The following ABCG2 variants were observed in gnomAD, a reference collection of about 807,000 sequenced individuals.
ABCG2 encodes the protein broad substrate specificity ATP-binding cassette transporter ABCG2.
ABCG2 carries 80 observed loss-of-function variants against 73.5 expected under a neutral mutation model. The ratio of observed to expected loss-of-function variants is 1.09; its 90% CI spans 0.91 to 1.31. The LOEUF (loss-of-function observed/expected upper bound fraction) is 1.31. Among genes scored for constraint, ABCG2 ranks in the 50% most tolerant of loss-of-function variants. The probability of loss-of-function intolerance (pLI) is 0.00; values close to 1 mark genes in which losing one functional copy is unlikely to be tolerated. For synonymous variants in ABCG2, 269 were observed against 282.4 expected (o/e 0.95, Z 0.48); for missense variants, 796 against 786.2 (o/e 1.01, Z -0.15).
chr4:88,096,872 C>T (rs893262810), intron 13 of ABCG2, among the ~76,000 whole-genome samples: 4 of 152,060 alleles, frequency 2.6e-5, no homozygotes, highest in South Asian at 2.1e-4. Flanking sequence ...TTTCAAAATA[C>T]GAGAGGGAAC....
intron 1 of ABCG2, among the ~76,000 whole-genome samples, chr4:88,150,760 C>T (rs1354972690): frequency 1.3e-5 from 2 of 152,180 alleles, no homozygotes; most frequent in Non-Finnish European, 2.9e-5. Context: ...GTTGGACAAG[C>T]TTGGTTTAAA....
upstream of ABCG2, among the ~76,000 whole-genome samples, chr4:88,231,573 C>T (rs1009017813): frequency 2.0e-5 from 3 of 152,100 alleles, no homozygotes; most frequent in Non-Finnish European, 4.4e-5. Context: ...CCAATTCTAG[C>T]AAATGGCTTT....
chr4:88,225,349 C>CAGT (rs1404847487), intron 1 of ABCG2, among the ~76,000 whole-genome samples: 1 of 152,042 alleles, frequency 6.6e-6, no homozygotes, highest in Non-Finnish European at 1.5e-5. Context: ...GTCACAAAGG[C>CAGT]AGTAGTTTGC....
At position 88,121,622 on chromosome 4, in the gene ABCG2, C is replaced by G. The variant is rs751658324; in HGVS notation, c.689+13G>C. 1 of 1,611,798 alleles carries G rather than the reference C, an allele frequency of 6.2e-7. No homozygotes were observed. The highest frequency in any genetic ancestry group is 8.5e-7 in the Non-Finnish European group (1 of 1,179,006). ...AGATATTAACTAAAGAATAATGTTT[C>G]CAGAGCATTTACCTTTTCAGGAGCA... On this transcript the variant is annotated intron_variant, in intron 6 of 15. Coordinates refer to ENST00000237612, the MANE Select transcript of ABCG2 (RefSeq NM_004827.3).
intron 1 of ABCG2, among the ~76,000 whole-genome samples, chr4:88,184,357 T>G (rs953716917): frequency 2.6e-5 from 4 of 152,212 alleles, no homozygotes; most frequent in African/African-American, 7.2e-5. Flanking sequence ...TTCAGTAAAG[T>G]TGCAGGATAC....
At chr4:88,214,903 G>A (rs1245835718) in intron 1 of ABCG2, among the ~76,000 whole-genome samples, 1 of 151,924 alleles carries the variant, frequency 6.6e-6, no homozygotes, top group Non-Finnish European at 1.5e-5. Flanking sequence ...GATTATAGGC[G>A]AGAGCCACAA....
At chr4:88,167,328 T>A (rs1182505739) in intron 1 of ABCG2, among the ~76,000 whole-genome samples, 1 of 151,812 alleles carries the variant, frequency 6.6e-6, no homozygotes, top group Non-Finnish European at 1.5e-5. Flanking sequence ...TTCAAAACAG[T>A]TTGAGTCCTT....
chr4:88,094,759 G>T, intron 14 of ABCG2, 100 bp from the exon 15 acceptor site: 1 of 893,120 alleles, frequency 1.1e-6, no homozygotes, highest in Non-Finnish European at 1.8e-6. Context: ...AATCTTTATT[G>T]TTATTTCTAA....
At chr4:88,203,754 CAAAA>C (rs34988728) in intron 1 of ABCG2, among the ~76,000 whole-genome samples, 16 of 131,730 alleles carry the variant, frequency 1.2e-4, no homozygotes, top group Admixed American at 1.5e-4. Flanking sequence ...AACTCAGTTT[CAAAA>C]AAAAAAAAAA....
chr4:88,200,168 T>C (rs1729101790), intron 1 of ABCG2, among the ~76,000 whole-genome samples: 1 of 151,726 alleles, frequency 6.6e-6, no homozygotes, highest in Non-Finnish European at 1.5e-5. Flanking sequence ...CTACTAAAAA[T>C]ACAAAAAATC....
intron 1 of ABCG2, among the ~76,000 whole-genome samples, chr4:88,192,566 C>T (rs1204048502): frequency 6.6e-6 from 1 of 151,480 alleles, no homozygotes; most frequent in East Asian, 1.9e-4. Flanking sequence ...ATTATAGGCG[C>T]CCACCACCAA....
chr4:88,094,317 T>C (rs1326901084), intron 15 of ABCG2, among the ~76,000 whole-genome samples: 1 of 152,190 alleles, frequency 6.6e-6, no homozygotes. Context: ...AAAGGATCTT[T>C]TAAAAGGCCC....
At chr4:88,204,622 G>A (rs1729310819) in intron 1 of ABCG2, among the ~76,000 whole-genome samples, 1 of 152,142 alleles carries the variant, frequency 6.6e-6, no homozygotes, top group South Asian at 2.1e-4. Flanking sequence ...CACAAGTTTT[G>A]CACATCTTCA....
intron 1 of ABCG2, among the ~76,000 whole-genome samples, chr4:88,193,708 G>C (rs773291163): frequency 2.0e-5 from 3 of 152,120 alleles, no homozygotes; most frequent in Non-Finnish European, 4.4e-5. Flanking sequence ...ATGTAGATGG[G>C]ATTTTACTTC....
At chr4:88,115,264 A>C (rs1429375001) in intron 7 of ABCG2, among the ~76,000 whole-genome samples, 3,996 of 12,128 alleles carry the variant, frequency 0.33, 178 homozygotes, top group Non-Finnish European at 0.37. Context: ...CTCTATATAT[A>C]TATATATATA....
At chr4:88,164,211 C>T (rs1464901772), upstream of ABCG2, among the ~76,000 whole-genome samples, 1 of 152,084 alleles carries the variant, frequency 6.6e-6, no homozygotes, top group Non-Finnish European at 1.5e-5. Context: ...GGATTACAAG[C>T]ACTTGCCACC....
At chr4:88,167,668 G>A (rs764699979) in intron 1 of ABCG2, among the ~76,000 whole-genome samples, 35 of 152,104 alleles carry the variant, frequency 2.3e-4, no homozygotes, top group Non-Finnish European at 3.8e-4. Context: ...GAGCCACTGC[G>A]CCCAGGCTCT....
rs555001019 is a variant in ABCG2, at chr4:88,187,031, T to A, written c.-20+43963A>T. 1.6e-4 allele frequency among the ~76,000 whole-genome samples: 21 copies of A among 131,852 alleles called. No individual in the cohort carries two copies. The East Asian group carries it at 5.0e-3, about 31-fold the overall frequency. The allele number at this position is 131,852 out of a possible 152,430, so 86.5% of individuals were successfully genotyped here. On this transcript the variant is annotated intron_variant, in intron 1 of 15. Transcript: ENST00000515655. ...ATTGCTTGAACCCAAGAGGCAGAGG[T>A]TGCAGTGAACTGAGACTGCGCCACT...
chr4:88,190,965 T>C (rs947460886), intron 1 of ABCG2, among the ~76,000 whole-genome samples: 1 of 151,882 alleles, frequency 6.6e-6, no homozygotes, highest in African/African-American at 2.4e-5. Flanking sequence ...GGCCAGGCAC[T>C]GTGGCTCACG....
Sources: allele counts gnomAD v4.1 joint callset (sites outside exome capture counted in the v4.1 genomes callset), GRCh38; gene constraint gnomAD v4.1.1; transcripts MANE v1.5; gene names NCBI Gene and HGNC (gene_info 2026-07-23, HGNC 2026-07-21).